The following MGAT5 variants were observed in gnomAD, a reference collection of about 807,000 sequenced individuals.
The protein encoded by MGAT5 is alpha-1,6-mannosylglycoprotein 6-beta-N-acetylglucosaminyltransferase A.
MGAT5 carries 30 observed loss-of-function variants against 94.3 expected under a neutral mutation model. The ratio of observed to expected loss-of-function variants is 0.32; its 90% CI spans 0.24 to 0.43. The LOEUF (loss-of-function observed/expected upper bound fraction) is 0.43, where lower values mean the gene tolerates loss of function less well. MGAT5 is among the 20% of genes least tolerant of loss of function. MGAT5 has a pLI of 1.00. For synonymous variants in MGAT5, 310 were observed against 322.9 expected (o/e 0.96, Z 0.43); for missense variants, 691 against 905.5 (o/e 0.76, Z 3.04).
At chr2:134,311,515 T>G (rs1276803416) in intron 2 of MGAT5, among the ~76,000 whole-genome samples, 1 of 152,112 alleles carries the variant, frequency 6.6e-6, no homozygotes, top group Non-Finnish European at 1.5e-5. Context: ...CTGTGTGAGC[T>G]CGCATGCAAA....
At chr2:134,187,348 T>G (rs969653913) in intron 1 of MGAT5, among the ~76,000 whole-genome samples, 5 of 152,148 alleles carry the variant, frequency 3.3e-5, no homozygotes, top group African/African-American at 9.7e-5. Flanking sequence ...AATCTTCCAG[T>G]GGAAGTGATA....
At chr2:134,361,449 T>G (rs1044017392) in intron 9 of MGAT5, among the ~76,000 whole-genome samples, 1 of 152,214 alleles carries the variant, frequency 6.6e-6, no homozygotes, top group Non-Finnish European at 1.5e-5. Flanking sequence ...CTAGAGAGAA[T>G]TATTTTCTGA....
chr2:134,214,007 C>T (rs1680338344), intron 1 of MGAT5, among the ~76,000 whole-genome samples: 1 of 152,174 alleles, frequency 6.6e-6, no homozygotes. Context: ...ATACAGTGGT[C>T]TTTGTGGTAG....
chr2:134,302,637 G>A (rs1338715031), intron 2 of MGAT5, among the ~76,000 whole-genome samples: 2 of 151,116 alleles, frequency 1.3e-5, no homozygotes, highest in Admixed American at 1.3e-4. Flanking sequence ...GCTTTTTTTG[G>A]TAGGGGCTGG....
chr2:134,155,274 T>G (rs1687423164), intron 1 of MGAT5, among the ~76,000 whole-genome samples: 1 of 152,234 alleles, frequency 6.6e-6, no homozygotes, highest in Non-Finnish European at 1.5e-5. Flanking sequence ...TTTGCTTCCA[T>G]TCTCACTTCC....
chr2:134,424,091 T>A (rs1279235033), intron 13 of MGAT5, among the ~76,000 whole-genome samples: 1 of 152,100 alleles, frequency 6.6e-6, no homozygotes, highest in Non-Finnish European at 1.5e-5. Flanking sequence ...AATGCAGCCT[T>A]TTAGTTAAGT....
intron 1 of MGAT5, among the ~76,000 whole-genome samples, chr2:134,264,331 G>C (rs1462227800): frequency 6.6e-6 from 1 of 152,080 alleles, no homozygotes; most frequent in East Asian, 1.9e-4. Context: ...CAGCCATTAA[G>C]TATTTTTGAT....
chr2:134,408,484 G>C (rs1683469229), intron 11 of MGAT5, among the ~76,000 whole-genome samples: 1 of 152,222 alleles, frequency 6.6e-6, no homozygotes, highest in Non-Finnish European at 1.5e-5. Context: ...TAATCAGCCA[G>C]CTGGTCTTCA....
intron 1 of MGAT5, among the ~76,000 whole-genome samples, chr2:134,137,181 G>A (rs1686447403): frequency 6.6e-6 from 1 of 152,170 alleles, no homozygotes; most frequent in Non-Finnish European, 1.5e-5. Flanking sequence ...ATCGACAACA[G>A]CACTCTAAGA....
chr2:134,261,416 C>G (rs1184886627), intron 1 of MGAT5, among the ~76,000 whole-genome samples: 1 of 152,168 alleles, frequency 6.6e-6, no homozygotes, highest in East Asian at 1.9e-4. Context: ...CTCAAGTCTA[C>G]TAAGGCATGG....
At chr2:134,182,647 T>C (rs1009960660) in intron 1 of MGAT5, among the ~76,000 whole-genome samples, 4 of 152,152 alleles carry the variant, frequency 2.6e-5, no homozygotes, top group Admixed American at 2.6e-4. Context: ...CGTGTTCCCG[T>C]TTCCGGTCAC....
chr2:134,201,815 GC>G (rs1433290046), intron 1 of MGAT5, among the ~76,000 whole-genome samples: 1 of 88,790 alleles, frequency 1.1e-5, no homozygotes, highest in Non-Finnish European at 2.2e-5. Flanking sequence ...GCCAAGCGCT[GC>G]TTTTTTTTTT....
intron 8 of MGAT5, 103 bp from the exon 9 acceptor site, chr2:134,349,702 G>A: frequency 7.7e-7 from 1 of 1,294,208 alleles, no homozygotes; most frequent in Non-Finnish European, 1.1e-6. Context: ...TATTTAAAAG[G>A]ATTTACCTAT....
chr2:134,208,335 T>C (rs777464769), intron 1 of MGAT5, among the ~76,000 whole-genome samples: 3 of 152,232 alleles, frequency 2.0e-5, no homozygotes, highest in African/African-American at 4.8e-5. Flanking sequence ...GTATGCATGT[T>C]GCAACAAATA....
At chr2:134,159,207 G>GTGTGTC (rs1415683008) in intron 1 of MGAT5, among the ~76,000 whole-genome samples, 1 of 151,610 alleles carries the variant, frequency 6.6e-6, no homozygotes, top group Non-Finnish European at 1.5e-5. Flanking sequence ...GTGTGTGTGT[G>GTGTGTC]TGTGTGTGTG....
chr2:134,129,487 C>G (rs1686015317), intron 1 of MGAT5, among the ~76,000 whole-genome samples: 1 of 152,114 alleles, frequency 6.6e-6, no homozygotes, highest in Admixed American at 6.5e-5. Context: ...CTACCACAGT[C>G]CTCAAAACTC....
chr2:134,380,279 G>A (rs1339794186), intron 10 of MGAT5, among the ~76,000 whole-genome samples: 1 of 152,142 alleles, frequency 6.6e-6, no homozygotes, highest in Non-Finnish European at 1.5e-5. Context: ...ATACGCACGT[G>A]GCATAGTTTC....
chr2:134,186,924 C>T (rs562475481), intron 1 of MGAT5, among the ~76,000 whole-genome samples: 201 of 152,222 alleles, frequency 1.3e-3, no homozygotes, highest in African/African-American at 4.6e-3. Context: ...GAGATAGTGC[C>T]GCGTGGGGAG....
At chr2:134,238,720 G>A (rs1245622220) in intron 1 of MGAT5, among the ~76,000 whole-genome samples, 1 of 152,210 alleles carries the variant, frequency 6.6e-6, no homozygotes, top group Non-Finnish European at 1.5e-5. Flanking sequence ...GAGATGGGCA[G>A]ATCAGCTGAG....
Sources: allele counts gnomAD v4.1 joint callset (sites outside exome capture counted in the v4.1 genomes callset), GRCh38; gene constraint gnomAD v4.1.1; transcripts MANE v1.5; gene names NCBI Gene and HGNC (gene_info 2026-07-23, HGNC 2026-07-21).